The following LIMS1 variants were observed in gnomAD, a reference collection of about 807,000 sequenced individuals.
LIMS1 encodes the protein LIM zinc finger domain containing 1, also known as LIM and senescent cell antigen-like-containing domain protein 1.
LIMS1 carries 18 observed loss-of-function variants against 44.1 expected under a neutral mutation model. The observed-to-expected ratio is 0.41, with a 90% CI of 0.28 to 0.61. The LOEUF (loss-of-function observed/expected upper bound fraction) is 0.61. LIMS1 is among the 20% of genes least tolerant of loss of function. The pLI is 0.32. For synonymous variants in LIMS1, 93 were observed against 149.1 expected, an observed-to-expected ratio of 0.62 and a Z score of 2.74; for missense variants, 201 against 422.0, an observed-to-expected ratio of 0.48 and a Z score of 4.59.
chr2:108,585,517 T>C (rs1031142757), intron 1 of LIMS1, among the ~76,000 whole-genome samples: 5 of 152,126 alleles, frequency 3.3e-5, no homozygotes, highest in African/African-American at 1.2e-4. Flanking sequence ...TGATGTATGA[T>C]TGCGAAGTTT....
Position 108,534,460 on chromosome 2 carries a change from C to T in LIMS1, c.-103C>T, listed in dbSNP as rs1420834612. The T allele has an allele frequency of 1.0e-6, 1 of 966,512 alleles. No individual in the cohort carries two copies. Among genetic ancestry groups the T allele is most frequent in the Non-Finnish European group, 1.3e-6 (1 of 765,092 alleles). 59.9% of individuals were successfully genotyped at this position (966,512 alleles called of 1,614,324 possible). ...CCTGGCCTTCCTCCCCTTCCTGCTCCGGGCCCGCCAGTAGCCGGCCGCGGC... is the reference window on the plus strand; with the variant it reads ...CCTGGCCTTCCTCCCCTTCCTGCTCTGGGCCCGCCAGTAGCCGGCCGCGGC... On this transcript the variant is annotated 5_prime_UTR_variant, in exon 1 of 10. Transcript: ENST00000544547.
intron 1 of LIMS1, among the ~76,000 whole-genome samples, chr2:108,591,175 A>G (rs1004071779): frequency 2.0e-5 from 3 of 152,178 alleles, no homozygotes; most frequent in Non-Finnish European, 2.9e-5. Flanking sequence ...ATACGAAAGG[A>G]TGTGTCAGTG....
chr2:108,674,286 C>T (rs1482579935), intron 5 of LIMS1, among the ~76,000 whole-genome samples: 2 of 151,890 alleles, frequency 1.3e-5, no homozygotes, highest in Non-Finnish European at 2.9e-5. Context: ...GCTGAGATCG[C>T]ACCACTGCAC....
At chr2:108,547,169 G>A (rs978819176) in intron 1 of LIMS1, among the ~76,000 whole-genome samples, 1 of 152,222 alleles carries the variant, frequency 6.6e-6, no homozygotes, top group Non-Finnish European at 1.5e-5. Flanking sequence ...CACACTTACT[G>A]ATAGTGGTGT....
intron 1 of LIMS1, among the ~76,000 whole-genome samples, chr2:108,605,312 T>C (rs1489207134): frequency 1.3e-5 from 2 of 152,148 alleles, no homozygotes; most frequent in East Asian, 1.9e-4. Context: ...GGCAAGGTGT[T>C]GTTATAAGCT....
At chr2:108,622,957 T>C (rs1197339982) in intron 1 of LIMS1, among the ~76,000 whole-genome samples, 1 of 149,904 alleles carries the variant, frequency 6.7e-6, no homozygotes, top group Non-Finnish European at 1.5e-5. Context: ...GTTACAATGC[T>C]CTTTCAAACA....
At chr2:108,550,515 A>T (rs116397884) in intron 1 of LIMS1, among the ~76,000 whole-genome samples, 18,535 of 145,458 alleles carry the variant, frequency 0.13, 1,424 homozygotes, top group South Asian at 0.23. Flanking sequence ...ATAATAATAA[A>T]AAAAAATAAA....
chr2:108,663,836 C>G (rs1691552690), intron 2 of LIMS1, among the ~76,000 whole-genome samples: 1 of 151,990 alleles, frequency 6.6e-6, no homozygotes, highest in South Asian at 2.1e-4. Flanking sequence ...CTCACCGCAA[C>G]CTCCACCTTG....
chr2:108,685,759 G>A (rs1223333484), exon 10 of LIMS1: 1 of 152,130 alleles, frequency 6.6e-6, no homozygotes, highest in Admixed American at 6.5e-5. Context: ...TATGTGACCA[G>A]CAATGACAAC....
exon 1 of LIMS1, chr2:108,534,507 T>C: frequency 8.5e-7 from 1 of 1,175,708 alleles, no homozygotes; most frequent in Non-Finnish European, 1.1e-6. Flanking sequence ...AGGACGCGGC[T>C]GGAGCGGCGC....
chr2:108,584,179 C>T (rs1686003439), intron 1 of LIMS1, among the ~76,000 whole-genome samples: 1 of 152,154 alleles, frequency 6.6e-6, no homozygotes, highest in African/African-American at 2.4e-5. Flanking sequence ...GTGATCTCTC[C>T]ACAATCACAG....
chr2:108,619,360 CTTT>C (rs747176925), intron 1 of LIMS1, among the ~76,000 whole-genome samples: 2 of 134,698 alleles, frequency 1.5e-5, no homozygotes, highest in African/African-American at 2.7e-5. Flanking sequence ...TGTTTCTGTT[CTTT>C]TTTTTTTTTT....
intron 4 of LIMS1, 94 bp downstream of exon 4, chr2:108,672,539 T>C: frequency 2.8e-6 from 1 of 361,970 alleles, no homozygotes; most frequent in Non-Finnish European, 4.6e-6. Context: ...GGCAGTTCTG[T>C]AGGACACTGA....
rs1477589521 is a variant in LIMS1 at position 108,683,780 on chromosome 2, C to T, written c.900-105C>T. On this transcript the variant is annotated intron_variant, in intron 9 of 9. Transcript: ENST00000544547. The stretch of plus-strand genomic sequence containing the variant: ...ACTAACATGAATATAATATCATCAC[C>T]TAGTTGCCTTCGTTTAGTTCAGTAC... 3.2e-5 allele frequency: 16 copies of T among 502,142 alleles called. No individual in the cohort carries two copies. The Admixed American group carries it at 4.9e-4, about 15-fold the overall frequency. The allele number at this position is 502,142 out of a possible 1,614,324, so 31.1% of individuals were successfully genotyped here.
rs1255200207 is a variant in LIMS1 at position 108,600,897 on chromosome 2, TCTTCTCTTCTCTTC to T, written c.33-58707_33-58694del. Among the ~76,000 whole-genome samples, 158 of 144,080 alleles carry T rather than the reference TCTTCTCTTCTCTTC, an allele frequency of 1.1e-3. 1 individual carries two copies. Among genetic ancestry groups the T allele is most frequent in the East Asian group, 9.4e-3 (48 of 5,122 alleles). 94.5% of individuals were successfully genotyped at this position (144,080 alleles called of 152,430 possible). On this transcript the variant is annotated intron_variant, in intron 1 of 9. Coordinates refer to ENST00000544547, the Ensembl canonical transcript of LIMS1. ...TAAATTTTAGAATTGTTCGTTCTTC[TCTTCTCTTCTCTTC>T]TCTTCTCTTCTCTTCTCTTCTCTTT...
At chr2:108,534,763 G>C (rs1327131332) in intron 1 of LIMS1, among the ~76,000 whole-genome samples, 169 bp downstream of exon 1, 2 of 151,346 alleles carry the variant, frequency 1.3e-5, no homozygotes, top group African/African-American at 4.8e-5. Flanking sequence ...GCGTGGCTGC[G>C]TCCGGGCCCG....
At chr2:108,635,190 G>A (rs1689155925) in intron 1 of LIMS1, among the ~76,000 whole-genome samples, 1 of 152,166 alleles carries the variant, frequency 6.6e-6, no homozygotes, top group Non-Finnish European at 1.5e-5. Flanking sequence ...CAGCACTTTG[G>A]GAGGCCCAGG....
chr2:108,551,729 GTA>G (rs1426821875), intron 1 of LIMS1, among the ~76,000 whole-genome samples: 3 of 143,372 alleles, frequency 2.1e-5, no homozygotes, highest in African/African-American at 7.7e-5. Flanking sequence ...TATGTATAAT[GTA>G]TATGATATAC....
chr2:108,607,168 CAGTG>C, intron 1 of LIMS1: 1 of 1,544,078 alleles, frequency 6.5e-7, no homozygotes, highest in Admixed American at 2.0e-5. Flanking sequence ...TGTGAGGACA[CAGTG>C]AGAGGGTGCC....
Sources: allele counts gnomAD v4.1 joint callset (sites outside exome capture counted in the v4.1 genomes callset), GRCh38; gene constraint gnomAD v4.1.1; transcripts MANE v1.5; gene names NCBI Gene and HGNC (gene_info 2026-07-23, HGNC 2026-07-21).